STRN3: variants seen among roughly 807,000 people sequenced by gnomAD.
The protein encoded by STRN3 is striatin 3, also known as striatin-3.
In STRN3, 29 loss-of-function variants were observed where a neutral mutation model predicts 95.6. The ratio of observed to expected loss-of-function variants is 0.30; its 90% CI spans 0.23 to 0.41. The LOEUF (loss-of-function observed/expected upper bound fraction) is 0.41, where lower values mean the gene tolerates loss of function less well. STRN3 is among the 10% of genes least tolerant of loss of function. STRN3 has a pLI of 1.00. For missense variants in STRN3, 890 were observed against 972.1 expected (o/e 0.92, Z 1.12); for synonymous variants, 331 against 357.6 (o/e 0.93, Z 0.84).
chr14:30,943,175 C>T (rs1879175001), intron 5 of STRN3, among the ~76,000 whole-genome samples: 1 of 152,166 alleles, frequency 6.6e-6, no homozygotes, highest in Non-Finnish European at 1.5e-5. Context: ...ATATCATTTT[C>T]TTATTCCTAG....
chr14:31,006,085 C>G (rs116648557), intron 1 of STRN3, among the ~76,000 whole-genome samples: 1 of 143,368 alleles, frequency 7.0e-6, no homozygotes, highest in South Asian at 2.3e-4. Flanking sequence ...CGCCACTGCA[C>G]TCAGGCCTAG....
intron 1 of STRN3, among the ~76,000 whole-genome samples, chr14:30,993,877 TTTC>T (rs1272799389): frequency 6.9e-6 from 1 of 145,898 alleles, no homozygotes; most frequent in Admixed American, 6.8e-5. Flanking sequence ...ATGGGGTTTC[TTTC>T]TTTTTTTTTT....
intron 1 of STRN3, among the ~76,000 whole-genome samples, chr14:30,995,627 A>G (rs1247137901): frequency 6.6e-6 from 1 of 152,220 alleles, no homozygotes; most frequent in Non-Finnish European, 1.5e-5. Context: ...CAGTTTTTCC[A>G]AAACACCTTA....
intron 1 of STRN3, among the ~76,000 whole-genome samples, chr14:30,987,423 C>G (rs1002944042): frequency 6.6e-6 from 1 of 151,902 alleles, no homozygotes; most frequent in South Asian, 2.1e-4. Context: ...AGGAGAATGG[C>G]GTGAACCCAG....
chr14:31,006,448 C>A (rs1882721058), intron 1 of STRN3, among the ~76,000 whole-genome samples: 1 of 151,850 alleles, frequency 6.6e-6, no homozygotes, highest in African/African-American at 2.4e-5. Flanking sequence ...GTAATCCCAG[C>A]ACTTTGGGAG....
intron 1 of STRN3, among the ~76,000 whole-genome samples, chr14:30,992,613 C>T (rs892415804): frequency 5.1e-5 from 7 of 138,212 alleles, no homozygotes; most frequent in Non-Finnish European, 9.4e-5. Context: ...GGGAAGCTAA[C>T]GAAATGTGAA....
chr14:30,916,571 G>A (rs989617133), intron 9 of STRN3, among the ~76,000 whole-genome samples: 9 of 151,778 alleles, frequency 5.9e-5, no homozygotes, highest in African/African-American at 1.2e-4. Flanking sequence ...CACCGCGCCC[G>A]GCCTAAAAAA....
chr14:30,912,271 AC>A (rs1261775535), intron 10 of STRN3, 89 bp from the exon 11 acceptor site: 5 of 1,272,528 alleles, frequency 3.9e-6, no homozygotes, highest in Non-Finnish European at 5.3e-6. Context: ...GGTGTGTTTA[AC>A]ACATATATTT....
intron 1 of STRN3, among the ~76,000 whole-genome samples, chr14:31,001,466 A>G (rs1566485300): frequency 6.6e-6 from 1 of 151,892 alleles, no homozygotes; most frequent in Non-Finnish European, 1.5e-5. Flanking sequence ...AGCCCAGAAG[A>G]TCAAGGTTGT....
At position 31,026,115 on chromosome 14, in the gene STRN3, G is replaced by A. The variant is rs940688896; in HGVS notation, c.71C>T (p.Pro24Leu). ...MAAPPRQQQG[P>L]GGNLGLSPGG... The stretch of plus-strand genomic sequence containing the variant: ...GGGCGAAAGGCCCAGGTTCCCCCCA[G>A]GTCCCTGCTGCTGCCGGGGAGGGGC... The change falls in exon 1 of 18, where the codon CCT becomes CTT. Residue 24 changes from proline to leucine, a missense_variant. This residue lies in a region of STRN3 where 526 missense variants were observed against 526.3 expected (regional missense o/e 1.00). Coordinates refer to ENST00000357479, the MANE Select transcript of STRN3 (RefSeq NM_001083893.2). The A allele has an allele frequency of 2.3e-5, 34 of 1,510,450 alleles. No homozygotes were observed. The highest frequency in any genetic ancestry group is 3.0e-5 in the Non-Finnish European group (34 of 1,133,902). 93.6% of individuals were successfully genotyped at this position (1,510,450 alleles called of 1,614,324 possible).
At chr14:31,013,194 C>G (rs997498924) in intron 1 of STRN3, among the ~76,000 whole-genome samples, 3 of 151,392 alleles carry the variant, frequency 2.0e-5, no homozygotes, top group Non-Finnish European at 2.9e-5. Context: ...CAGGGAGACC[C>G]CCATCTCTAC....
At chr14:30,985,588 A>G (rs1881647898) in intron 1 of STRN3, among the ~76,000 whole-genome samples, 1 of 108,222 alleles carries the variant, frequency 9.2e-6, no homozygotes, top group Non-Finnish European at 1.9e-5. Flanking sequence ...GGGCAACGAG[A>G]GCGAAACTCC....
Position 30,895,161 on chromosome 14 carries a change from C to T in STRN3, c.*250G>A, listed in dbSNP as rs556884434. The T allele has an allele frequency of 2.1e-5, 8 of 377,772 alleles. No homozygotes were observed. The highest frequency in any genetic ancestry group is 6.7e-4 in the Middle Eastern group (1 of 1,484). 23.4% of individuals were successfully genotyped at this position (377,772 alleles called of 1,614,324 possible). ...TTAAAGACACCTAAAAACAGATATA[C>T]GCTCAGTTCACATCCAGTACAGGCC... On this transcript the variant is annotated 3_prime_UTR_variant, in exon 18 of 18. Transcript: ENST00000357479.
Position 30,946,369 on chromosome 14 carries a change from C to T in STRN3, c.716+721G>A, listed in dbSNP as rs139390849. Among the ~76,000 whole-genome samples the T allele has an allele frequency of 5.8e-3, 879 of 151,866 alleles. 9 individuals are homozygous for T. The highest frequency in any genetic ancestry group is 0.02 in the African/African-American group (827 of 41,398). ...ACCAGCCTGGGCAACAGAGCAAGAA[C>T]CCATCTCCACAAAAAATAAAAAAAA... On this transcript the variant is annotated intron_variant, in intron 5 of 17. Coordinates refer to ENST00000357479, the MANE Select transcript of STRN3 (RefSeq NM_001083893.2).
chr14:30,934,384 CTT>C (rs766239374), intron 7 of STRN3, among the ~76,000 whole-genome samples: 3 of 152,060 alleles, frequency 2.0e-5, no homozygotes, highest in Non-Finnish European at 4.4e-5. Context: ...AGTAAACACA[CTT>C]TGTTCTACCT....
At chr14:30,974,945 C>T (rs997592623) in intron 1 of STRN3, among the ~76,000 whole-genome samples, 4 of 151,532 alleles carry the variant, frequency 2.6e-5, no homozygotes, top group African/African-American at 9.7e-5. Context: ...GTAAAAAACT[C>T]AGTATCTGCA....
intron 1 of STRN3, among the ~76,000 whole-genome samples, chr14:30,960,868 C>CAAAAAAA (rs56227331): frequency 2.5e-4 from 12 of 47,556 alleles, no homozygotes; most frequent in Admixed American, 9.9e-4. Flanking sequence ...GACTCCATCT[C>CAAAAAAA]AAAAAAAAAA....
At chr14:30,949,616 G>A (rs770010001) in intron 4 of STRN3, among the ~76,000 whole-genome samples, 5 of 152,018 alleles carry the variant, frequency 3.3e-5, no homozygotes, top group Non-Finnish European at 7.4e-5. Context: ...TCCGGGAGGC[G>A]GAGGTGATAG....
intron 16 of STRN3, among the ~76,000 whole-genome samples, chr14:30,896,061 C>T (rs1896139128): frequency 6.6e-6 from 1 of 152,214 alleles, no homozygotes; most frequent in African/African-American, 2.4e-5. Context: ...CACTAATCGA[C>T]TCTTTCTATA....
Sources: allele counts gnomAD v4.1 joint callset (sites outside exome capture counted in the v4.1 genomes callset), GRCh38; gene constraint gnomAD v4.1.1; regional missense constraint gnomAD v4.1.1; transcripts MANE v1.5; gene names NCBI Gene and HGNC (gene_info 2026-07-23, HGNC 2026-07-21).